Variants in SRFBP1 observed in about 807,000 individuals in gnomAD.
SRFBP1 encodes serum response factor-binding protein 1.
SRFBP1 carries 47 observed loss-of-function variants against 45.5 expected under a neutral mutation model. The observed-to-expected ratio is 1.03, with a 90% CI of 0.82 to 1.32. SRFBP1 has a LOEUF of 1.32. Ranked by LOEUF, SRFBP1 falls within the 40% of genes most tolerant of loss-of-function variation. The probability of loss-of-function intolerance (pLI) is 0.00; values close to 1 mark genes in which losing one functional copy is unlikely to be tolerated. For synonymous variants in SRFBP1, 203 were observed against 166.3 expected, an observed-to-expected ratio of 1.22 and a Z score of -1.70; for missense variants, 621 against 484.6, an observed-to-expected ratio of 1.28 and a Z score of -2.64.
At chr5:122,005,967 A>G (rs1752964887) in intron 4 of SRFBP1, among the ~76,000 whole-genome samples, 1 of 152,196 alleles carries the variant, frequency 6.6e-6, no homozygotes, top group South Asian at 2.1e-4. Context: ...AGGAGATTCT[A>G]AATTTGACTA....
At chr5:122,007,282 C>T (rs1752997208) in intron 4 of SRFBP1, among the ~76,000 whole-genome samples, 1 of 152,030 alleles carries the variant, frequency 6.6e-6, no homozygotes, top group African/African-American at 2.4e-5. Flanking sequence ...CAGTCCATGG[C>T]ATTCAGCCTG....
rs567314490 is a variant in SRFBP1, at chr5:122,048,723, G to T, written n.311+26316G>T. Among the ~76,000 whole-genome samples, 162 of 152,202 alleles carry T rather than the reference G, an allele frequency of 1.1e-3. 2 individuals carry two copies. Among genetic ancestry groups the T allele is most frequent in the Middle Eastern group, 0.01 (3 of 294 alleles). ...TATTAATTATTGCCTCAATTTCAGA[G>T]CCTGTTATTGGTCTTTTCAGAGATT... On this transcript the variant is annotated intron_variant and non_coding_transcript_variant, in intron 2 of 2. Transcript: ENST00000504881.
chr5:121,996,256 A>G (rs1752726509), intron 4 of SRFBP1, among the ~76,000 whole-genome samples: 2 of 127,376 alleles, frequency 1.6e-5, no homozygotes. Context: ...TTGATGCAAA[A>G]ATCCTCAATA....
chr5:121,975,191 T>C, intron 2 of SRFBP1, 124 bp from the exon 3 acceptor site: 2 of 948,584 alleles, frequency 2.1e-6, no homozygotes, highest in Non-Finnish European at 3.2e-6. Flanking sequence ...TGTAGGATAG[T>C]GGCGTGTTTG....
intron 4 of SRFBP1, among the ~76,000 whole-genome samples, chr5:121,998,000 A>C (rs1046681883): frequency 4.6e-5 from 7 of 151,848 alleles, no homozygotes; most frequent in Middle Eastern, 3.2e-3. Flanking sequence ...GGCAATCATT[A>C]AAAAGTCAGG....
At chr5:122,029,700 C>T (rs983401658), downstream of SRFBP1, among the ~76,000 whole-genome samples, 2 of 152,246 alleles carry the variant, frequency 1.3e-5, no homozygotes, top group Middle Eastern at 3.4e-3. Context: ...CACTCAAACT[C>T]GTTTGTTTTT....
intron 2 of SRFBP1, among the ~76,000 whole-genome samples, chr5:122,054,192 TG>T (rs1051349713): frequency 2.6e-5 from 4 of 152,160 alleles, no homozygotes; most frequent in African/African-American, 9.7e-5. Context: ...AACATCTGAG[TG>T]GCTCCCTGCC....
Position 122,019,357 on chromosome 5 carries a change from C to G in SRFBP1, c.352+16C>G. Reference sequence around the variant, plus strand: ...GTGCTAAAAGGTATGAATTAAATGACTTTTAAGCCATGTACTTAATGTATT... The same window carrying G: ...GTGCTAAAAGGTATGAATTAAATGAGTTTTAAGCCATGTACTTAATGTATT... On this transcript the variant is annotated intron_variant, in intron 5 of 7. Transcript: ENST00000339397. The G allele has an allele frequency of 3.1e-6, 5 of 1,595,034 alleles. No individual in the cohort carries two copies. Among genetic ancestry groups the G allele is most frequent in the Non-Finnish European group, 4.3e-6 (5 of 1,166,338 alleles).
intron 2 of SRFBP1, among the ~76,000 whole-genome samples, chr5:122,046,490 A>G (rs1753861721): frequency 6.6e-6 from 1 of 152,202 alleles, no homozygotes; most frequent in Admixed American, 6.5e-5. Flanking sequence ...TATTGTGAAC[A>G]GTGCCACAAT....
At chr5:122,013,636 A>T (rs1753138737) in intron 4 of SRFBP1, among the ~76,000 whole-genome samples, 1 of 152,190 alleles carries the variant, frequency 6.6e-6, no homozygotes, top group Admixed American at 6.6e-5. Context: ...ACAGATGTTT[A>T]TAGAAAGGGA....
intron 2 of SRFBP1, among the ~76,000 whole-genome samples, chr5:122,056,569 C>A (rs576640055): frequency 6.6e-6 from 1 of 152,180 alleles, no homozygotes; most frequent in African/African-American, 2.4e-5. Flanking sequence ...AGTTTTGAAC[C>A]TGGAGCTATT....
chr5:122,056,978 G>A (rs1754090290), intron 2 of SRFBP1, among the ~76,000 whole-genome samples: 2 of 152,164 alleles, frequency 1.3e-5, no homozygotes, highest in Non-Finnish European at 1.5e-5. Context: ...TTAAATGTCA[G>A]TTAGGGTGCT....
chr5:121,990,550 A>G (rs548802633), intron 3 of SRFBP1, among the ~76,000 whole-genome samples: 1 of 152,288 alleles, frequency 6.6e-6, no homozygotes, highest in African/African-American at 2.4e-5. Flanking sequence ...ACAAATCTGT[A>G]CATGTACCCT....
In SRFBP1 at chr5:122,047,923, T is replaced by A. The variant is rs539546087; in HGVS notation, n.311+25516T>A. Among the ~76,000 whole-genome samples the A allele has an allele frequency of 7.9e-5, 12 of 152,330 alleles. No individual in the cohort carries two copies. The South Asian group carries it at 2.3e-3, about 29-fold the overall frequency. ...ATCCTGAGACTTTGCTGAAGTTGCT[T>A]ATCAGCTTAAGGAGATTTTGGGCTG... On this transcript the variant is annotated intron_variant and non_coding_transcript_variant, in intron 2 of 2. Transcript: ENST00000504881.
chr5:122,020,029 AAC>A, intron 5 of SRFBP1, 57 bp from the exon 6 acceptor site: 1 of 1,228,620 alleles, frequency 8.1e-7, no homozygotes, highest in Non-Finnish European at 1.1e-6. Context: ...ACTGTCCTAA[AAC>A]AGTCATGTTT....
At chr5:121,975,216 A>T in intron 2 of SRFBP1, 99 bp from the exon 3 acceptor site, 1 of 1,246,996 alleles carries the variant, frequency 8.0e-7, no homozygotes, top group Non-Finnish European at 1.2e-6. Flanking sequence ...TTAGAGATTT[A>T]TTACGCTTTT....
intron 2 of SRFBP1, chr5:122,066,759 GA>G: frequency 6.4e-7 from 1 of 1,572,558 alleles, no homozygotes; most frequent in Non-Finnish European, 8.7e-7. Flanking sequence ...CCTAGATTAA[GA>G]AGACAAAATA....
At chr5:122,036,924 C>A (rs1438593819) in intron 2 of SRFBP1, among the ~76,000 whole-genome samples, 3 of 146,650 alleles carry the variant, frequency 2.0e-5, no homozygotes, top group Admixed American at 6.8e-5. Context: ...GATGGAGTTT[C>A]ACTCTTGTTG....
At chr5:121,968,101 A>G (rs1224138118) in intron 1 of SRFBP1, among the ~76,000 whole-genome samples, 2 of 152,016 alleles carry the variant, frequency 1.3e-5, no homozygotes, top group African/African-American at 4.8e-5. Context: ...TGTGTTGTAT[A>G]CTTTTAAACT....
Sources: gnomAD v4.1 joint callset for allele counts (sites outside exome capture counted in the v4.1 genomes callset) on GRCh38, gnomAD v4.1.1 for gene constraint, MANE v1.5 for transcripts, NCBI Gene and HGNC (gene_info 2026-07-23, HGNC 2026-07-21) for gene names.